Variants in UBE3C observed in about 807,000 individuals in gnomAD.
The protein encoded by UBE3C is ubiquitin protein ligase E3C.
UBE3C carries 42 observed loss-of-function variants against 129.4 expected under a neutral mutation model. The observed-to-expected ratio is 0.32, with a 90% CI of 0.25 to 0.42. The LOEUF (loss-of-function observed/expected upper bound fraction) is 0.42. Ranked by LOEUF, UBE3C falls within the 10% of genes least tolerant of loss-of-function variation. The pLI is 1.00. For missense variants in UBE3C, 1,049 were observed against 1,319.1 expected (o/e 0.80, Z 3.17); for synonymous variants, 510 against 492.4 (o/e 1.04, Z -0.47).
chr7:157,218,238 G>A (rs1447909054), intron 14 of UBE3C, among the ~76,000 whole-genome samples: 1 of 152,048 alleles, frequency 6.6e-6, no homozygotes, highest in Non-Finnish European at 1.5e-5. Context: ...CTGAGCTTAG[G>A]AGTTTGCGAC....
At chr7:157,145,683 C>T (rs1807585348) in intron 1 of UBE3C, among the ~76,000 whole-genome samples, 1 of 152,164 alleles carries the variant, frequency 6.6e-6, no homozygotes, top group Admixed American at 6.5e-5. Flanking sequence ...GTTTCTTTCA[C>T]TTAGTACTAT....
At chr7:157,224,809 CT>C (rs1563063870) in intron 16 of UBE3C, among the ~76,000 whole-genome samples, 152 of 150,098 alleles carry the variant, frequency 1.0e-3, no homozygotes, top group African/African-American at 3.7e-3. Context: ...CTCTCTCTCT[CT>C]CTCCCACTCA....
chr7:157,256,848 TC>T, intron 21 of UBE3C, 65 bp from the exon 22 acceptor site: 1 of 1,598,106 alleles, frequency 6.3e-7, no homozygotes, highest in Non-Finnish European at 8.5e-7. Context: ...TCTGGACCAA[TC>T]CCTGTGGGTC....
rs564087828 is a variant in UBE3C at position 157,228,626 on chromosome 7, A to T, written c.2234-2454A>T. Reference sequence around the variant, plus strand: ...AGCAAGCTGGAGCCAAATGGCTTAGATGTGTTTACCTGATTCCCAAGGGTG... The same window carrying T: ...AGCAAGCTGGAGCCAAATGGCTTAGTTGTGTTTACCTGATTCCCAAGGGTG... On this transcript the variant is annotated intron_variant, in intron 17 of 22. Coordinates refer to ENST00000348165, the MANE Select transcript of UBE3C (RefSeq NM_014671.3). Among the ~76,000 whole-genome samples the T allele has an allele frequency of 2.6e-5, 4 of 152,296 alleles. No homozygotes were observed. In the East Asian group the frequency reaches 7.7e-4, roughly 29 times the overall value.
At chr7:157,192,717 C>T (rs527502295) in intron 10 of UBE3C, 14 of 834,040 alleles carry the variant, frequency 1.7e-5, no homozygotes, top group South Asian at 1.3e-4. Context: ...CTGCCTTCGT[C>T]GAGAGTGCCC....
chr7:157,231,382 A>G, intron 18 of UBE3C, 55 bp downstream of exon 18: 1 of 1,592,722 alleles, frequency 6.3e-7, no homozygotes, highest in Admixed American at 1.8e-5. Context: ...TTGACATTTT[A>G]TGTTTATGTG....
chr7:157,192,619 C>CTT, intron 10 of UBE3C: 1 of 765,062 alleles, frequency 1.3e-6, no homozygotes, highest in South Asian at 1.3e-5. Context: ...GAGTCTTACC[C>CTT]CACTCCCAAG....
intron 6 of UBE3C, among the ~76,000 whole-genome samples, chr7:157,181,238 G>A (rs1024460761): frequency 5.3e-5 from 8 of 152,176 alleles, no homozygotes; most frequent in Non-Finnish European, 1.2e-4. Context: ...TTTAAAAATA[G>A]TCTCTTAATG....
intron 17 of UBE3C, 135 bp from the exon 18 acceptor site, chr7:157,230,945 T>C: frequency 1.6e-6 from 2 of 1,250,928 alleles, no homozygotes; most frequent in Non-Finnish European, 2.2e-6. Context: ...GATAATATCA[T>C]TGCTGTTTTG....
intron 18 of UBE3C, among the ~76,000 whole-genome samples, chr7:157,240,077 G>T (rs982918455): frequency 2.0e-5 from 3 of 151,994 alleles, no homozygotes; most frequent in Admixed American, 1.3e-4. Flanking sequence ...GTGTGTTTTG[G>T]TTTTTGGTTT....
chr7:157,259,203 G>A (rs1193395059), intron 22 of UBE3C, among the ~76,000 whole-genome samples: 2 of 152,236 alleles, frequency 1.3e-5, no homozygotes, highest in East Asian at 1.9e-4. Flanking sequence ...CAGTGGGAGC[G>A]GAGCCCCGCA....
intron 3 of UBE3C, 22 bp downstream of exon 3, chr7:157,169,144 G>A (rs1808297829): frequency 1.3e-6 from 2 of 1,592,260 alleles, no homozygotes; most frequent in East Asian, 4.5e-5. Context: ...TTAAAATGAG[G>A]AGATTAGTAG....
intron 4 of UBE3C, 40 bp downstream of exon 4, chr7:157,170,490 G>A (rs369743714): frequency 4.2e-5 from 61 of 1,465,838 alleles, no homozygotes; most frequent in Admixed American, 8.0e-5. Context: ...TCGTTTACAC[G>A]TGTTCTGCTT....
chr7:157,241,393 A>G (rs959513906), intron 18 of UBE3C, among the ~76,000 whole-genome samples: 10 of 152,248 alleles, frequency 6.6e-5, no homozygotes, highest in African/African-American at 2.4e-4. Context: ...CATGATAAAA[A>G]TGGGCGAAGG....
Position 157,183,917 on chromosome 7 carries a change from T to C in UBE3C, c.1031T>C (p.Val344Ala), listed in dbSNP as rs776605724. ...SEEGLLVYLR[V>A]LQTFLSQLPV... ...GAAGGGCTGCTGGTGTATTTGCGGG[T>C]GCTGCAGACCTTCCTCTCTCAGTTA... Residue 344 changes from valine to alanine, a missense_variant, in exon 9 of 23, where the codon GTG becomes GCG. Physicochemically the swap from Val to Ala is moderately conservative, Grantham distance 64 (BLOSUM62 0). Around this residue, in one of 4 missense-constraint regions of UBE3C, gnomAD observed 489 missense variants for 513.8 expected, o/e 0.95. Transcript: ENST00000348165. 11 of 1,614,166 alleles carry C rather than the reference T, an allele frequency of 6.8e-6. No individual in the cohort carries two copies. In the East Asian group the frequency reaches 2.5e-4, roughly 36 times the overall value.
chr7:157,231,551 C>T, intron 18 of UBE3C: 1 of 571,682 alleles, frequency 1.7e-6, no homozygotes, highest in Non-Finnish European at 3.0e-6. Context: ...CCCCAGTGTG[C>T]CAGTATTCAG....
intron 13 of UBE3C, among the ~76,000 whole-genome samples, chr7:157,215,728 A>G (rs1402306165): frequency 6.6e-6 from 1 of 151,954 alleles, no homozygotes; most frequent in Admixed American, 6.6e-5. Context: ...TGTAGTAGTT[A>G]TATGATCCAA....
intron 10 of UBE3C, chr7:157,192,418 T>G: frequency 1.4e-6 from 1 of 720,966 alleles, no homozygotes; most frequent in Non-Finnish European, 2.6e-6. Context: ...CCCTCAAGGT[T>G]GAACCCTTGG....
At chr7:157,157,663 A>C (rs553666866) in intron 1 of UBE3C, among the ~76,000 whole-genome samples, 1 of 152,304 alleles carries the variant, frequency 6.6e-6, no homozygotes, top group South Asian at 2.1e-4. Flanking sequence ...ACTGAAAACA[A>C]CCTAAATGAC....
Sources: gnomAD v4.1 joint callset for allele counts (sites outside exome capture counted in the v4.1 genomes callset) on GRCh38, gnomAD v4.1.1 for gene constraint, gnomAD v4.1.1 regional missense constraint, MANE v1.5 for transcripts, NCBI Gene and HGNC (gene_info 2026-07-23, HGNC 2026-07-21) for gene names.